The following FAM107B variants were observed in gnomAD, a reference collection of about 807,000 sequenced individuals.
FAM107B encodes family with sequence similarity 107 member B.
In FAM107B, 21 loss-of-function variants were observed where a neutral mutation model predicts 31.5. That is an observed-to-expected ratio of 0.67 (90% CI 0.47 to 0.96). The LOEUF is 0.96. FAM107B is among the 40% of genes least tolerant of loss of function. The pLI is 0.00. For missense variants in FAM107B, 452 were observed against 377.1 expected (o/e 1.20, Z -1.64); for synonymous variants, 157 against 141.5 (o/e 1.11, Z -0.78).
intron 2 of FAM107B, among the ~76,000 whole-genome samples, chr10:14,563,830 T>C (rs1219822577): frequency 6.6e-6 from 1 of 152,254 alleles, no homozygotes; most frequent in Non-Finnish European, 1.5e-5. Context: ...AGCTATTTTC[T>C]ATCAAAGCTG....
At position 14,660,251 on chromosome 10, in the gene FAM107B, A is replaced by C. The variant is rs570781532; in HGVS notation, c.469+7383T>G. Among the ~76,000 whole-genome samples, 8 of 152,248 alleles carry C rather than the reference A, an allele frequency of 5.3e-5. No individual in the cohort carries two copies. The East Asian group carries it at 1.5e-3, about 29-fold the overall frequency. ...TCCACAAGGTCTTCTGGAATGGTAC[A>C]CTTATTGGAAACTTGTTTCAGCATT... is the stretch of plus-strand genomic sequence containing the variant. On this transcript the variant is annotated intron_variant, in intron 2 of 4. Transcript: ENST00000181796.
At chr10:14,736,115 G>T (rs374174667) in intron 1 of FAM107B, among the ~76,000 whole-genome samples, 23 of 152,198 alleles carry the variant, frequency 1.5e-4, no homozygotes, top group African/African-American at 5.3e-4. Context: ...CCCCTGTGTG[G>T]CAAAGTCTCT....
chr10:14,692,093 GT>G (rs1374625432), intron 1 of FAM107B, among the ~76,000 whole-genome samples: 2 of 152,068 alleles, frequency 1.3e-5, no homozygotes, highest in East Asian at 3.9e-4. Context: ...TGCAATTGCG[GT>G]TTAATCTCTG....
chr10:14,641,047 T>C (rs1198885236), intron 2 of FAM107B, among the ~76,000 whole-genome samples: 1 of 152,258 alleles, frequency 6.6e-6, no homozygotes, highest in Non-Finnish European at 1.5e-5. Flanking sequence ...GTGAATGTTC[T>C]TTTGTCTTAC....
At chr10:14,616,346 G>A (rs7088314) in intron 2 of FAM107B, among the ~76,000 whole-genome samples, 66 of 152,226 alleles carry the variant, frequency 4.3e-4, no homozygotes, top group African/African-American at 1.6e-3. Flanking sequence ...AAGACAAGGG[G>A]CATTGTTTTT....
At chr10:14,705,232 T>C (rs1200110779) in intron 1 of FAM107B, among the ~76,000 whole-genome samples, 1 of 152,086 alleles carries the variant, frequency 6.6e-6, no homozygotes. Context: ...GATGAGAATG[T>C]AGAGAAACTG....
intron 2 of FAM107B, 42 bp from the exon 3 acceptor site, chr10:14,530,557 T>G: frequency 1.9e-6 from 3 of 1,595,384 alleles, no homozygotes; most frequent in Non-Finnish European, 2.6e-6. Flanking sequence ...CAGTTTTTGC[T>G]AAGGCTTTTC....
chr10:14,518,716 T>G lies in FAM107B; in HGVS notation c.*2474A>C, dbSNP rs1223844724. Reference sequence around the variant, plus strand: ...CCAATCCATTAAGGCTCCCTTTATATATATTATATACACTCAAACAAGTCA... The same window carrying G: ...CCAATCCATTAAGGCTCCCTTTATAGATATTATATACACTCAAACAAGTCA... On this transcript the variant is annotated 3_prime_UTR_variant, in exon 5 of 5. Coordinates refer to ENST00000181796, the MANE Select transcript of FAM107B (RefSeq NM_031453.4). The G allele has an allele frequency of 1.3e-5, 2 of 152,662 alleles. No homozygotes were observed. Among genetic ancestry groups the G allele is most frequent in the Non-Finnish European group, 2.9e-5 (2 of 68,044 alleles). The allele number at this position is 152,662 out of a possible 1,614,324, so 9.5% of individuals were successfully genotyped here.
At chr10:14,638,893 A>C (rs1234888661) in intron 2 of FAM107B, among the ~76,000 whole-genome samples, 1 of 152,108 alleles carries the variant, frequency 6.6e-6, no homozygotes, top group Non-Finnish European at 1.5e-5. Context: ...CTGTCTATCA[A>C]CATTTCACCT....
intron 1 of FAM107B, among the ~76,000 whole-genome samples, chr10:14,731,129 CA>C (rs1243621037): frequency 6.6e-6 from 1 of 152,108 alleles, no homozygotes; most frequent in African/African-American, 2.4e-5. Context: ...TAATGGTACC[CA>C]AACATCCAAC....
chr10:14,613,097 G>A (rs1020946001), intron 2 of FAM107B, among the ~76,000 whole-genome samples: 4 of 151,830 alleles, frequency 2.6e-5, no homozygotes, highest in African/African-American at 4.8e-5. Context: ...TCAGCCCCGC[G>A]AGCAGCTAGG....
At chr10:14,767,900 A>G (rs11259327) in intron 1 of FAM107B, among the ~76,000 whole-genome samples, 6,583 of 152,288 alleles carry the variant, frequency 0.043, 309 homozygotes, top group African/African-American at 0.12. Flanking sequence ...TGATGACATG[A>G]TCTTATGTGT....
At chr10:14,543,299 T>G (rs1217153023) in intron 2 of FAM107B, among the ~76,000 whole-genome samples, 1 of 152,180 alleles carries the variant, frequency 6.6e-6, no homozygotes. Flanking sequence ...AAAAAACACT[T>G]TTTTGAATTG....
rs573688187 is a variant in FAM107B, at chr10:14,572,319, G to A, written c.470-41804C>T. ...CCTCTACTTGTAAGCAAATATGCAC[G>A]CAGACTCTCCAGCCCTGGGTGGGTA... On this transcript the variant is annotated intron_variant, in intron 2 of 4. Coordinates refer to ENST00000181796, the MANE Select transcript of FAM107B (RefSeq NM_031453.4). 308 of 985,418 alleles carry A rather than the reference G, an allele frequency of 3.1e-4. 2 individuals carry two copies. The African/African-American group carries it at 4.5e-3, about 15-fold the overall frequency. 61.0% of individuals were successfully genotyped at this position (985,418 alleles called of 1,614,324 possible). A position where few individuals can be genotyped will look rare whatever the true frequency, so the allele number is the denominator to read the frequency against.
intron 2 of FAM107B, among the ~76,000 whole-genome samples, chr10:14,622,108 TC>T (rs1477585610): frequency 6.6e-6 from 1 of 152,098 alleles, no homozygotes; most frequent in Non-Finnish European, 1.5e-5. Context: ...TTTAATAAAG[TC>T]CATCTTTCAA....
At chr10:14,770,522 C>CA (rs1564297859) in intron 1 of FAM107B, among the ~76,000 whole-genome samples, 1 of 151,280 alleles carries the variant, frequency 6.6e-6, no homozygotes, top group Non-Finnish European at 1.5e-5. Flanking sequence ...GACTCTGCCT[C>CA]AAAAAAATAA....
At chr10:14,745,248 C>T (rs904694248) in intron 1 of FAM107B, among the ~76,000 whole-genome samples, 1 of 151,820 alleles carries the variant, frequency 6.6e-6, no homozygotes, top group African/African-American at 2.4e-5. Context: ...TTTCAAAAAA[C>T]CAACTCCTGG....
chr10:14,617,976 ATTAATT>A (rs1852896343), intron 2 of FAM107B, among the ~76,000 whole-genome samples: 1 of 152,200 alleles, frequency 6.6e-6, no homozygotes, highest in African/African-American at 2.4e-5. Context: ...CTACAGATCT[ATTAATT>A]TTGACTCATG....
In FAM107B at chr10:14,764,422, A is replaced by G. The variant is rs1833121474; in HGVS notation, c.411+9831T>C. 2.0e-5 allele frequency among the ~76,000 whole-genome samples: 3 copies of G among 152,156 alleles called. No homozygotes were observed. In the South Asian group the frequency reaches 6.2e-4, roughly 32 times the overall value. ...TCATTTTCCACTTAACTGAACACGAAACACACACAAACCAGCTTTTCAGAA... is the reference window on the plus strand; with the variant it reads ...TCATTTTCCACTTAACTGAACACGAGACACACACAAACCAGCTTTTCAGAA... On this transcript the variant is annotated intron_variant, in intron 1 of 4. Transcript: ENST00000181796.
Sources: gnomAD v4.1 joint callset for allele counts (sites outside exome capture counted in the v4.1 genomes callset) on GRCh38, gnomAD v4.1.1 for gene constraint, MANE v1.5 for transcripts, NCBI Gene and HGNC (gene_info 2026-07-23, HGNC 2026-07-21) for gene names.